Variants in RSU1 observed in about 807,000 individuals in gnomAD.
The protein encoded by RSU1 is Ras suppressor protein 1.
RSU1 carries 26 observed loss-of-function variants against 31.1 expected under a neutral mutation model. That is an observed-to-expected ratio of 0.84 (90% CI 0.61 to 1.16). RSU1 has a LOEUF of 1.16. Ranked by LOEUF, RSU1 falls within the 50% of genes most tolerant of loss-of-function variation. The pLI is 0.00. For missense variants in RSU1, 320 were observed against 339.1 expected (o/e 0.94, Z 0.44); for synonymous variants, 164 against 136.3 (o/e 1.20, Z -1.41).
chr10:16,665,875 C>T lies in RSU1; in HGVS notation c.731+29148G>A, dbSNP rs536908978. Among the ~76,000 whole-genome samples the T allele has an allele frequency of 3.3e-5, 5 of 152,280 alleles. No homozygotes were observed. The East Asian group carries it at 9.6e-4, about 29-fold the overall frequency. ...ATTGGACAAAGGAACAAGGACTCAACAGTTCAACTAGGCTGCTATGCAGTT... is the reference window on the plus strand; with the variant it reads ...ATTGGACAAAGGAACAAGGACTCAATAGTTCAACTAGGCTGCTATGCAGTT... On this transcript the variant is annotated intron_variant, in intron 8 of 8. Coordinates refer to ENST00000345264, the MANE Select transcript of RSU1 (RefSeq NM_012425.4).
At chr10:16,791,513 C>CA (rs1588538284) in intron 2 of RSU1, among the ~76,000 whole-genome samples, 2 of 151,762 alleles carry the variant, frequency 1.3e-5, no homozygotes, top group East Asian at 3.9e-4. Flanking sequence ...CCTGTAGTCC[C>CA]AGCTACTTGG....
chr10:16,683,998 C>T (rs577359251), intron 8 of RSU1, among the ~76,000 whole-genome samples: 1 of 152,126 alleles, frequency 6.6e-6, no homozygotes, highest in Non-Finnish European at 1.5e-5. Flanking sequence ...ATTGTGGAGA[C>T]CAAGATTCTT....
intron 8 of RSU1, among the ~76,000 whole-genome samples, chr10:16,600,347 T>C (rs1291460645): frequency 1.3e-5 from 2 of 152,018 alleles, no homozygotes; most frequent in Non-Finnish European, 2.9e-5. Context: ...GGAGACTGCC[T>C]GGGTTGGCAG....
chr10:16,651,014 T>A (rs1834676436), intron 8 of RSU1, among the ~76,000 whole-genome samples: 1 of 152,214 alleles, frequency 6.6e-6, no homozygotes, highest in Non-Finnish European at 1.5e-5. Context: ...GAATTTAGAT[T>A]TGATTTACTT....
intron 2 of RSU1, among the ~76,000 whole-genome samples, chr10:16,787,202 C>G (rs1416543780): frequency 6.6e-6 from 1 of 152,162 alleles, no homozygotes; most frequent in Admixed American, 6.5e-5. Flanking sequence ...GTGCTTTCTT[C>G]CTACAGCTGA....
intron 8 of RSU1, among the ~76,000 whole-genome samples, chr10:16,659,431 G>T (rs1398311764): frequency 6.6e-6 from 1 of 150,532 alleles, no homozygotes; most frequent in African/African-American, 2.4e-5. Flanking sequence ...TGTACTTCAG[G>T]ATCTGGTTTC....
intron 2 of RSU1, among the ~76,000 whole-genome samples, chr10:16,785,437 TATAC>T (rs201754270): frequency 1.5e-5 from 2 of 136,370 alleles, no homozygotes; most frequent in African/African-American, 6.0e-5. Flanking sequence ...CATATATATA[TATAC>T]ACATATATAC....
At chr10:16,654,854 T>C (rs1588697097) in intron 8 of RSU1, among the ~76,000 whole-genome samples, 1 of 150,444 alleles carries the variant, frequency 6.6e-6, no homozygotes, top group African/African-American at 2.4e-5. Context: ...AGGCTAGGAG[T>C]TTGAGACCAG....
intron 8 of RSU1, among the ~76,000 whole-genome samples, chr10:16,606,773 A>G (rs1833812019): frequency 6.6e-6 from 1 of 152,224 alleles, no homozygotes; most frequent in Non-Finnish European, 1.5e-5. Context: ...GCCAGTATCT[A>G]GAGAGAAGCC....
At chr10:16,695,182 G>C in intron 7 of RSU1, 27 bp from the exon 8 acceptor site, 1 of 1,550,844 alleles carries the variant, frequency 6.4e-7, no homozygotes, top group Non-Finnish European at 8.8e-7. Flanking sequence ...AAAAAGTGAA[G>C]GTCACTTCAT....
chr10:16,665,679 C>T (rs926491178), intron 8 of RSU1, among the ~76,000 whole-genome samples: 2 of 152,110 alleles, frequency 1.3e-5, no homozygotes, highest in Non-Finnish European at 2.9e-5. Flanking sequence ...AAAAAAACTG[C>T]ATTTTTTTCC....
Position 16,749,810 on chromosome 10 carries a change from C to T in RSU1, c.598+2729G>A, listed in dbSNP as rs140161322. Among the ~76,000 whole-genome samples, 820 of 152,344 alleles carry T rather than the reference C, an allele frequency of 5.4e-3. 9 individuals carry two copies. The highest frequency in any genetic ancestry group is 0.041 in the Middle Eastern group (12 of 294). Reference sequence around the variant, plus strand: ...CCCACGCCAACTCACCATCCAGCAACATCTCTCCGCCTGCCTTTTCGGGAG... The same window carrying T: ...CCCACGCCAACTCACCATCCAGCAATATCTCTCCGCCTGCCTTTTCGGGAG... On this transcript the variant is annotated intron_variant, in intron 7 of 8. Transcript: ENST00000345264.
At chr10:16,714,721 A>G (rs1836100306) in intron 7 of RSU1, among the ~76,000 whole-genome samples, 2 of 152,064 alleles carry the variant, frequency 1.3e-5, no homozygotes, top group East Asian at 1.9e-4. Flanking sequence ...TGAATGTGGT[A>G]TAAGGACAGC....
chr10:16,750,140 T>C (rs1836945840), intron 7 of RSU1, among the ~76,000 whole-genome samples: 1 of 152,178 alleles, frequency 6.6e-6, no homozygotes, highest in Non-Finnish European at 1.5e-5. Flanking sequence ...TAATAGATAC[T>C]ACCTATTATT....
At chr10:16,763,137 A>G (rs1837242934) in intron 4 of RSU1, among the ~76,000 whole-genome samples, 1 of 152,218 alleles carries the variant, frequency 6.6e-6, no homozygotes, top group African/African-American at 2.4e-5. Context: ...AGACTGCAGC[A>G]TGAGTGGGCA....
At chr10:16,639,917 T>C (rs1834412156) in intron 8 of RSU1, among the ~76,000 whole-genome samples, 1 of 152,210 alleles carries the variant, frequency 6.6e-6, no homozygotes, top group Non-Finnish European at 1.5e-5. Context: ...AAATAAATGC[T>C]CAGAAGTTGT....
intron 2 of RSU1, among the ~76,000 whole-genome samples, chr10:16,808,506 A>C (rs1356593292): frequency 7.2e-6 from 1 of 138,342 alleles, no homozygotes; most frequent in South Asian, 2.3e-4. Flanking sequence ...AAAAAAAAAA[A>C]CAAAGTGAAC....
At chr10:16,746,478 C>A (rs1236495817) in intron 7 of RSU1, among the ~76,000 whole-genome samples, 3 of 152,032 alleles carry the variant, frequency 2.0e-5, no homozygotes, top group African/African-American at 7.2e-5. Context: ...AGCCAAGCAA[C>A]CAGAAACGAT....
intron 8 of RSU1, among the ~76,000 whole-genome samples, chr10:16,662,606 T>A (rs920358811): frequency 1.3e-5 from 2 of 152,186 alleles, no homozygotes; most frequent in Non-Finnish European, 2.9e-5. Flanking sequence ...TAGAAGTATA[T>A]TTTTGGTGAC....
Sources: allele counts gnomAD v4.1 joint callset (sites outside exome capture counted in the v4.1 genomes callset), GRCh38; gene constraint gnomAD v4.1.1; transcripts MANE v1.5; gene names NCBI Gene and HGNC (gene_info 2026-07-23, HGNC 2026-07-21).